CORIN: variants seen among roughly 807,000 people sequenced by gnomAD.
CORIN encodes atrial natriuretic peptide-converting enzyme.
In CORIN, 117 loss-of-function variants were observed where a neutral mutation model predicts 125.3. The observed-to-expected ratio is 0.93, with a 90% CI of 0.80 to 1.09. The LOEUF is 1.09. Ranked by LOEUF, CORIN falls within the 50% of genes least tolerant of loss-of-function variation. CORIN has a pLI of 0.00. For synonymous variants in CORIN, 450 were observed against 466.4 expected (o/e 0.96, Z 0.45); for missense variants, 1,253 against 1,306.7 (o/e 0.96, Z 0.63).
At chr4:47,835,166 T>A (rs969687881) in intron 1 of CORIN, among the ~76,000 whole-genome samples, 1 of 151,966 alleles carries the variant, frequency 6.6e-6, no homozygotes, top group African/African-American at 2.4e-5. Flanking sequence ...AGTCTTGGAA[T>A]CCCTTGAGTG....
chr4:47,809,003 T>C (rs768249929), intron 1 of CORIN, among the ~76,000 whole-genome samples: 74 of 152,160 alleles, frequency 4.9e-4, no homozygotes, highest in Non-Finnish European at 9.4e-4. Context: ...GATATAAGAA[T>C]TCAAAAGATA....
Position 47,672,116 on chromosome 4 carries a change from T to C in CORIN, c.1357+2277A>G, listed in dbSNP as rs189518830. On this transcript the variant is annotated intron_variant, in intron 10 of 21. Coordinates refer to ENST00000273857, the MANE Select transcript of CORIN (RefSeq NM_006587.4). The stretch of plus-strand genomic sequence containing the variant: ...AGTGTAGAATATATCAGTGGGAAGA[T>C]GACAATATGTTCTCCCACACTGAAA... 3.9e-4 allele frequency among the ~76,000 whole-genome samples: 60 copies of C among 152,270 alleles called. No individual in the cohort carries two copies. The South Asian group carries it at 4.8e-3, about 12-fold the overall frequency.
intron 7 of CORIN, chr4:47,680,473 T>C: frequency 4.4e-6 from 2 of 459,348 alleles, no homozygotes; most frequent in South Asian, 5.6e-5. Flanking sequence ...GTTTTTCAGA[T>C]AAGTAACTAC....
rs2109491972 is a variant in CORIN at position 47,594,690 on chromosome 4, A to G, written c.*1031T>C. On this transcript the variant is annotated 3_prime_UTR_variant, in exon 22 of 22. Transcript: ENST00000273857. ...CGCAAGAAAACTGAAAAATAAATTT[A>G]ATTAAACGAGGGATGCAAATTAATT... 1 of 152,292 alleles carries G rather than the reference A, an allele frequency of 6.6e-6. No homozygotes were observed. Among genetic ancestry groups the G allele is most frequent in the Non-Finnish European group, 1.5e-5 (1 of 68,006 alleles). 9.4% of individuals were successfully genotyped at this position (152,292 alleles called of 1,614,324 possible). A position where few individuals can be genotyped will look rare whatever the true frequency, so the allele number is the denominator to read the frequency against.
intron 5 of CORIN, chr4:47,706,574 G>C: frequency 6.2e-7 from 1 of 1,607,550 alleles, no homozygotes; most frequent in Non-Finnish European, 8.5e-7. Context: ...TGTGTTAGCC[G>C]TGGTGGCCGA....
rs1466265290 is a variant in CORIN at position 47,626,417 on chromosome 4, A to C, written c.2303T>G (p.Leu768Arg). Reference sequence around the variant, plus strand: ...AATGCATTCTTACCCATTTACTAGAAGTTCATGTAAAGTGGTCCCATTGAG... The same window carrying C: ...AATGCATTCTTACCCATTTACTAGACGTTCATGTAAAGTGGTCCCATTGAG... ...ESLNGTTLHELLVNGQSCESR... is the reference protein window; with the variant it reads ...ESLNGTTLHERLVNGQSCESR... Residue 768 changes from leucine to arginine, a missense_variant, in exon 17 of 22, where the codon CTT becomes CGT. Coordinates refer to ENST00000273857, the MANE Select transcript of CORIN (RefSeq NM_006587.4). 1.9e-6 allele frequency: 3 copies of C among 1,599,634 alleles called. No homozygotes were observed. Among genetic ancestry groups the C allele is most frequent in the Non-Finnish European group, 2.6e-6 (3 of 1,166,940 alleles).
intron 3 of CORIN, among the ~76,000 whole-genome samples, chr4:47,771,374 G>A (rs187132442): frequency 2.6e-4 from 40 of 152,272 alleles, no homozygotes; most frequent in African/African-American, 8.7e-4. Context: ...CTGTAAGAGG[G>A]TTACAGTAAG....
At chr4:47,797,842 A>G (rs1422085511) in intron 2 of CORIN, among the ~76,000 whole-genome samples, 1 of 152,158 alleles carries the variant, frequency 6.6e-6, no homozygotes, top group Non-Finnish European at 1.5e-5. Context: ...TGTAGAAAAT[A>G]AAGCATCTTA....
intron 16 of CORIN, chr4:47,632,238 G>A (rs1722834204): frequency 6.6e-6 from 1 of 152,164 alleles, no homozygotes; most frequent in Admixed American, 6.5e-5. Flanking sequence ...GAAGGATAAG[G>A]TTTGTCCTCT....
At chr4:47,683,661 A>G in intron 7 of CORIN, 70 bp downstream of exon 7, 1 of 1,091,942 alleles carries the variant, frequency 9.2e-7, no homozygotes, top group East Asian at 2.4e-5. Flanking sequence ...ACACATAATG[A>G]ACTGTAAGTT....
chr4:47,686,025 C>T (rs1725498011), intron 6 of CORIN, among the ~76,000 whole-genome samples: 1 of 148,168 alleles, frequency 6.7e-6, no homozygotes, highest in African/African-American at 2.5e-5. Flanking sequence ...ATACAAGTAG[C>T]AGCCACCACT....
At chr4:47,753,323 T>C (rs979377878) in intron 4 of CORIN, among the ~76,000 whole-genome samples, 12 of 152,162 alleles carry the variant, frequency 7.9e-5, no homozygotes, top group African/African-American at 2.7e-4. Flanking sequence ...GAATTACTGA[T>C]GAGGGTCTGT....
chr4:47,742,924 G>A lies in CORIN; in HGVS notation c.799+1478C>T, dbSNP rs143014138. 6.0e-3 allele frequency among the ~76,000 whole-genome samples: 911 copies of A among 152,108 alleles called. 8 individuals carry two copies. The highest frequency in any genetic ancestry group is 0.02 in the African/African-American group (851 of 41,518). On this transcript the variant is annotated intron_variant, in intron 5 of 21. Coordinates refer to ENST00000273857, the MANE Select transcript of CORIN (RefSeq NM_006587.4). ...CTGTCAATTAGAGGGTTCAAAAATA[G>A]ATATACATGTAATCATTCACTTGAT...
chr4:47,774,154 T>C (rs1317610449), intron 3 of CORIN, among the ~76,000 whole-genome samples: 1 of 152,208 alleles, frequency 6.6e-6, no homozygotes, highest in Non-Finnish European at 1.5e-5. Context: ...AAAGTAAGAA[T>C]GATTTTTATA....
At chr4:47,631,806 G>C (rs1722817761) in intron 16 of CORIN, among the ~76,000 whole-genome samples, 1 of 152,172 alleles carries the variant, frequency 6.6e-6, no homozygotes, top group Non-Finnish European at 1.5e-5. Context: ...CCCAGGGCAA[G>C]GCCCCTCTGC....
intron 1 of CORIN, 42 bp from the exon 2 acceptor site, chr4:47,807,089 A>G (rs1731830323): frequency 6.6e-7 from 1 of 1,518,660 alleles, no homozygotes; most frequent in African/African-American, 1.4e-5. Context: ...TTAGTTTTAC[A>G]ATACATGGTA....
In CORIN at chr4:47,653,591, T is replaced by C; in HGVS notation, c.1805A>G (p.Gln602Arg). 1 of 1,614,142 alleles carries C rather than the reference T, an allele frequency of 6.2e-7. No individual in the cohort carries two copies. The change falls in exon 13 of 22, where the codon CAG becomes CGG. Residue 602 changes from glutamine (Q) to arginine (R), a missense_variant. Physicochemically the swap from Gln to Arg is conservative, Grantham distance 43. Coordinates refer to ENST00000273857, the MANE Select transcript of CORIN (RefSeq NM_006587.4). ...CVLASRRCDG[Q>R]ADCDDDSDEE... Reference sequence around the variant, plus strand: ...ATCACTGTCATCGTCACAGTCGGCCTGGCCATCACATCTTCTGGAAGCCAG... The same window carrying C: ...ATCACTGTCATCGTCACAGTCGGCCCGGCCATCACATCTTCTGGAAGCCAG...
chr4:47,823,234 A>G (rs1037445157), intron 1 of CORIN, among the ~76,000 whole-genome samples: 3 of 152,198 alleles, frequency 2.0e-5, no homozygotes, highest in Non-Finnish European at 2.9e-5. Flanking sequence ...CATTTGGCCA[A>G]TGGAAGTTCA....
intron 12 of CORIN, among the ~76,000 whole-genome samples, chr4:47,657,724 G>A (rs1374400776): frequency 6.6e-6 from 1 of 151,766 alleles, no homozygotes; most frequent in East Asian, 1.9e-4. Context: ...GCAAAAGCAG[G>A]AACAAGAGAG....
Sources: allele counts gnomAD v4.1 joint callset (sites outside exome capture counted in the v4.1 genomes callset), GRCh38; gene constraint gnomAD v4.1.1; transcripts MANE v1.5; gene names NCBI Gene and HGNC (gene_info 2026-07-23, HGNC 2026-07-21).